Variants in ADAMTS19 observed in about 807,000 individuals in gnomAD.
The protein encoded by ADAMTS19 is A disintegrin and metalloproteinase with thrombospondin motifs 19.
ADAMTS19 carries 93 observed loss-of-function variants against 153.3 expected under a neutral mutation model. The observed-to-expected ratio is 0.61, with a 90% CI of 0.51 to 0.72. The LOEUF is 0.72. ADAMTS19 is among the 30% of genes least tolerant of loss of function. ADAMTS19 has a pLI of 0.00. For missense variants in ADAMTS19, 1,482 were observed against 1,552.1 expected, an observed-to-expected ratio of 0.95 and a Z score of 0.76; for synonymous variants, 600 against 556.6, an observed-to-expected ratio of 1.08 and a Z score of -1.10.
chr5:129,694,923 C>T (rs1755490676), intron 19 of ADAMTS19, 68 bp downstream of exon 19: 1 of 1,342,562 alleles, frequency 7.4e-7, no homozygotes, highest in Non-Finnish European at 9.8e-7. Context: ...AAAACATGCT[C>T]AGAATATCAT....
chr5:129,649,367 C>T (rs1454024966), intron 13 of ADAMTS19, among the ~76,000 whole-genome samples: 1 of 152,196 alleles, frequency 6.6e-6, no homozygotes, highest in Admixed American at 6.5e-5. Flanking sequence ...ATGGAATACT[C>T]CTCAGCACTA....
intron 21 of ADAMTS19, among the ~76,000 whole-genome samples, chr5:129,715,546 G>C (rs1756685180): frequency 6.6e-6 from 1 of 152,264 alleles, no homozygotes; most frequent in South Asian, 2.1e-4. Flanking sequence ...AGGGAGAAAT[G>C]GTTGAGTTTG....
chr5:129,647,763 A>G lies in ADAMTS19; in HGVS notation c.1873-2A>G. ...TCACCTAAGACATAACTTTTGGAAT[A>G]GTGGTGTAAGGCTGGAGAATGTACC... is the stretch of plus-strand genomic sequence containing the variant. On this transcript the variant is annotated splice_acceptor_variant, in intron 11 of 22. Coordinates refer to ENST00000274487, the MANE Select transcript of ADAMTS19 (RefSeq NM_133638.6). LOFTEE classifies it high-confidence loss of function. 1 of 1,613,318 alleles carries G rather than the reference A, an allele frequency of 6.2e-7. No homozygotes were observed. The highest frequency in any genetic ancestry group is 8.5e-7 in the Non-Finnish European group (1 of 1,179,454).
intron 7 of ADAMTS19, among the ~76,000 whole-genome samples, chr5:129,578,604 C>A (rs1417415271): frequency 9.9e-5 from 15 of 151,834 alleles, no homozygotes; most frequent in Admixed American, 9.2e-4. Context: ...TAACCCCCAC[C>A]CCTTGAAGGC....
chr5:129,630,842 G>A (rs1752254213), intron 10 of ADAMTS19, among the ~76,000 whole-genome samples: 1 of 151,874 alleles, frequency 6.6e-6, no homozygotes, highest in Non-Finnish European at 1.5e-5. Context: ...CTGACAAAGG[G>A]TTGTTGTCCA....
chr5:129,643,177 A>C (rs1752881505), intron 11 of ADAMTS19, among the ~76,000 whole-genome samples: 1 of 151,944 alleles, frequency 6.6e-6, no homozygotes. Flanking sequence ...GCACACACAC[A>C]CACACACACA....
chr5:129,518,805 A>G, intron 3 of ADAMTS19, among the ~76,000 whole-genome samples: 1 of 151,896 alleles, frequency 6.6e-6, no homozygotes, highest in Admixed American at 6.6e-5. Flanking sequence ...CCTCTTCTTT[A>G]AGGCCAATAA....
chr5:129,524,759 GAA>G (rs76679982), intron 3 of ADAMTS19, among the ~76,000 whole-genome samples: 3 of 138,206 alleles, frequency 2.2e-5, no homozygotes, highest in Admixed American at 7.3e-5. Flanking sequence ...AACTTGAAGG[GAA>G]AAAAAAAAAA....
At chr5:129,654,116 A>G (rs1753435564) in intron 13 of ADAMTS19, among the ~76,000 whole-genome samples, 190 bp from the exon 14 acceptor site, 1 of 152,234 alleles carries the variant, frequency 6.6e-6, no homozygotes, top group South Asian at 2.1e-4. Flanking sequence ...ATTAATATTC[A>G]TTAAACATCT....
intron 6 of ADAMTS19, among the ~76,000 whole-genome samples, chr5:129,543,464 G>A (rs10070537): frequency 0.16 from 24,958 of 152,076 alleles, 2,294 homozygotes; most frequent in East Asian, 0.31. Context: ...CTGTTGTCTG[G>A]AAATATACAG....
intron 21 of ADAMTS19, among the ~76,000 whole-genome samples, chr5:129,706,796 C>T (rs1314193254): frequency 6.6e-6 from 1 of 151,994 alleles, no homozygotes; most frequent in Non-Finnish European, 1.5e-5. Context: ...ACTGTGTGGC[C>T]TCTGGGTTAA....
chr5:129,685,395 C>T (rs992244156), intron 18 of ADAMTS19, among the ~76,000 whole-genome samples: 15 of 151,734 alleles, frequency 9.9e-5, no homozygotes, highest in African/African-American at 2.9e-4. Flanking sequence ...ATGCAGGAGA[C>T]AATGCTCTTC....
At chr5:129,535,003 C>G (rs866196956) in intron 6 of ADAMTS19, among the ~76,000 whole-genome samples, 4 of 152,166 alleles carry the variant, frequency 2.6e-5, no homozygotes, top group Non-Finnish European at 5.9e-5. Flanking sequence ...AAAACTGGCA[C>G]AAGACAGGGA....
chr5:129,640,710 T>G (rs897174977), intron 10 of ADAMTS19, among the ~76,000 whole-genome samples: 73 of 152,144 alleles, frequency 4.8e-4, no homozygotes, highest in African/African-American at 1.7e-3. Context: ...TAACTATGCC[T>G]TCCCCATTTC....
intron 7 of ADAMTS19, among the ~76,000 whole-genome samples, chr5:129,585,390 A>T (rs1749732084): frequency 6.6e-6 from 1 of 151,948 alleles, no homozygotes; most frequent in Non-Finnish European, 1.5e-5. Flanking sequence ...AATATATATT[A>T]TGAACTTCCC....
chr5:129,484,437 G>T (rs1750523077), intron 2 of ADAMTS19, among the ~76,000 whole-genome samples: 2 of 151,786 alleles, frequency 1.3e-5, no homozygotes, highest in East Asian at 1.9e-4. Context: ...TTATAATTTT[G>T]TTAGGCATAT....
At chr5:129,658,309 A>AAAAG (rs150048700) in intron 14 of ADAMTS19, among the ~76,000 whole-genome samples, 3,170 of 113,560 alleles carry the variant, frequency 0.028, 88 homozygotes, top group Middle Eastern at 0.057. Context: ...GAAAGAAAGA[A>AAAAG]AAAGAAAGAA....
chr5:129,708,210 C>G (rs79656465), intron 21 of ADAMTS19, among the ~76,000 whole-genome samples: 88 of 152,142 alleles, frequency 5.8e-4, no homozygotes, highest in South Asian at 2.9e-3. Context: ...AGTAATGCAG[C>G]CTTTGTTGAA....
At chr5:129,607,988 A>G (rs1337982311) in intron 8 of ADAMTS19, among the ~76,000 whole-genome samples, 3 of 146,822 alleles carry the variant, frequency 2.0e-5, no homozygotes, top group African/African-American at 7.7e-5. Context: ...CATTATATAA[A>G]CAATTCTATA....
Sources: allele counts gnomAD v4.1 joint callset (sites outside exome capture counted in the v4.1 genomes callset), GRCh38; gene constraint gnomAD v4.1.1; transcripts MANE v1.5; gene names NCBI Gene and HGNC (gene_info 2026-07-23, HGNC 2026-07-21).